Variants in CTNNAL1 observed in about 807,000 individuals in gnomAD.
CTNNAL1 encodes the protein catenin alpha like 1, also known as alpha-catulin.
A neutral mutation model predicts 93.6 loss-of-function variants in CTNNAL1; 69 were observed. The observed-to-expected ratio is 0.74, with a 90% CI of 0.61 to 0.90. CTNNAL1 has a LOEUF of 0.90. Among genes scored for constraint, CTNNAL1 ranks in the 40% least tolerant of loss-of-function variants. The pLI is 0.00. For missense variants in CTNNAL1, 836 were observed against 862.0 expected (o/e 0.97, Z 0.38); for synonymous variants, 286 against 305.4 (o/e 0.94, Z 0.66).
At chr9:108,996,558 T>A (rs1832028261) in intron 2 of CTNNAL1, among the ~76,000 whole-genome samples, 1 of 152,152 alleles carries the variant, frequency 6.6e-6, no homozygotes, top group African/African-American at 2.4e-5. Flanking sequence ...CGTATGGTAC[T>A]CATGTCAGTG....
chr9:108,998,873 A>C (rs559250265), intron 2 of CTNNAL1, among the ~76,000 whole-genome samples, 194 bp downstream of exon 2: 1 of 152,320 alleles, frequency 6.6e-6, no homozygotes, highest in African/African-American at 2.4e-5. Context: ...CCAGTGAAGG[A>C]GTCCTATGTT....
chr9:108,994,963 G>A (rs1831960089), intron 2 of CTNNAL1, among the ~76,000 whole-genome samples: 1 of 152,208 alleles, frequency 6.6e-6, no homozygotes, highest in Non-Finnish European at 1.5e-5. Context: ...GAGGCTGGAA[G>A]CAGACCTGCA....
At chr9:108,972,862 G>A (rs778350089) in intron 8 of CTNNAL1, 29 bp from the exon 9 acceptor site, 13 of 320,464 alleles carry the variant, frequency 4.1e-5, no homozygotes, top group Non-Finnish European at 7.1e-5. Flanking sequence ...GTGGGGGGGT[G>A]GGAGGGTGGA....
chr9:108,966,182 T>A (rs1270795680), intron 10 of CTNNAL1, among the ~76,000 whole-genome samples: 1 of 152,194 alleles, frequency 6.6e-6, no homozygotes, highest in Non-Finnish European at 1.5e-5. Context: ...AACTCAGATC[T>A]ACCTGATCCA....
At chr9:108,995,625 G>A (rs946563713) in intron 2 of CTNNAL1, among the ~76,000 whole-genome samples, 4 of 151,912 alleles carry the variant, frequency 2.6e-5, no homozygotes, top group Non-Finnish European at 5.9e-5. Context: ...GAAAACCCAA[G>A]GTCAATCAAA....
intron 2 of CTNNAL1, among the ~76,000 whole-genome samples, chr9:108,998,413 G>A (rs562645428): frequency 9.8e-4 from 146 of 149,016 alleles, no homozygotes; most frequent in African/African-American, 3.0e-3. Context: ...ACATGGTAAC[G>A]ATCACCACCT....
At chr9:108,948,144 C>T (rs936357533) in intron 15 of CTNNAL1, 42 bp downstream of exon 15, 2 of 1,599,010 alleles carry the variant, frequency 1.3e-6, no homozygotes, top group Non-Finnish European at 1.7e-6. Context: ...CCACTTTTAG[C>T]CCGAAATTAA....
chr9:108,963,915 C>T (rs1830884792), intron 11 of CTNNAL1, among the ~76,000 whole-genome samples: 1 of 152,090 alleles, frequency 6.6e-6, no homozygotes, highest in African/African-American at 2.4e-5. Context: ...GACACTTGGG[C>T]CCGGAGCAGG....
In CTNNAL1 at chr9:108,954,875, T is replaced by C. The variant is rs573535845; in HGVS notation, c.1629+915A>G. 6.8e-4 allele frequency among the ~76,000 whole-genome samples: 104 copies of C among 152,310 alleles called. 3 individuals carry two copies. The South Asian group carries it at 0.021, about 31-fold the overall frequency. ...TTCTAAAATTCCAGACTTAAGACTTTAATATCTCTCTTCATTGCAAGTTCT... is the reference window on the plus strand; with the variant it reads ...TTCTAAAATTCCAGACTTAAGACTTCAATATCTCTCTTCATTGCAAGTTCT... On this transcript the variant is annotated intron_variant, in intron 12 of 18. Transcript: ENST00000325551.
intron 2 of CTNNAL1, among the ~76,000 whole-genome samples, chr9:108,997,339 T>C (rs1832060613): frequency 1.3e-5 from 2 of 152,186 alleles, no homozygotes; most frequent in Admixed American, 1.3e-4. Context: ...TCCCTATTAA[T>C]CTCCCTGCCT....
intron 10 of CTNNAL1, among the ~76,000 whole-genome samples, chr9:108,968,831 T>A (rs1831030147): frequency 6.6e-6 from 1 of 152,188 alleles, no homozygotes; most frequent in Non-Finnish European, 1.5e-5. Context: ...CAACCTCTAC[T>A]GCCCAATATT....
chr9:108,985,426 A>AGGTTT (rs1831576154), intron 4 of CTNNAL1, among the ~76,000 whole-genome samples: 1 of 152,240 alleles, frequency 6.6e-6, no homozygotes, highest in East Asian at 1.9e-4. Context: ...CTTCTTACAA[A>AGGTTT]TAAGTAAAAC....
chr9:108,944,736 A>G (rs963265339), intron 15 of CTNNAL1, among the ~76,000 whole-genome samples: 1 of 152,152 alleles, frequency 6.6e-6, no homozygotes, highest in Non-Finnish European at 1.5e-5. Context: ...AATGGAGAGA[A>G]CAGGGAAAAT....
At chr9:108,978,201 T>C (rs796846626) in intron 7 of CTNNAL1, among the ~76,000 whole-genome samples, 42 of 152,386 alleles carry the variant, frequency 2.8e-4, no homozygotes, top group African/African-American at 9.6e-4. Context: ...ACACTTCAGA[T>C]TGTGTATCAC....
intron 1 of CTNNAL1, among the ~76,000 whole-genome samples, chr9:109,008,152 CTTTTTTTTTTTTTT>C (rs149753320): frequency 1.2e-5 from 1 of 85,300 alleles, no homozygotes; most frequent in Non-Finnish European, 2.2e-5. Context: ...ATCCATCTTT[CTTTTTTTTTTTTTT>C]TTTTTTTTTT....
chr9:109,003,188 G>A (rs1033038535), intron 1 of CTNNAL1, among the ~76,000 whole-genome samples: 2 of 152,168 alleles, frequency 1.3e-5, no homozygotes, highest in Non-Finnish European at 2.9e-5. Flanking sequence ...GATCTCCCAA[G>A]AAGCCTAAAG....
chr9:108,965,343 T>C (rs764117142), intron 11 of CTNNAL1, 35 bp downstream of exon 11: 1 of 1,346,974 alleles, frequency 7.4e-7, no homozygotes, highest in Non-Finnish European at 9.6e-7. Flanking sequence ...TACATTAAAA[T>C]AATAACATAT....
intron 12 of CTNNAL1, among the ~76,000 whole-genome samples, chr9:108,954,098 G>A (rs1028110059): frequency 2.0e-5 from 3 of 152,230 alleles, no homozygotes; most frequent in African/African-American, 7.2e-5. Flanking sequence ...GATTATTAAA[G>A]TTTAATGACG....
intron 1 of CTNNAL1, among the ~76,000 whole-genome samples, chr9:109,012,016 C>T (rs571763311): frequency 6.6e-6 from 1 of 152,236 alleles, no homozygotes; most frequent in South Asian, 2.1e-4. Context: ...GAGGGTCTGA[C>T]ATTACTGAGG....
Sources: gnomAD v4.1 joint callset for allele counts (sites outside exome capture counted in the v4.1 genomes callset) on GRCh38, gnomAD v4.1.1 for gene constraint, MANE v1.5 for transcripts, NCBI Gene and HGNC (gene_info 2026-07-23, HGNC 2026-07-21) for gene names.